Variants in DNAH1 observed in about 807,000 individuals in gnomAD.
The protein encoded by DNAH1 is axonemal beta dynein heavy chain 1.
A neutral mutation model predicts 484.3 loss-of-function variants in DNAH1; 327 were observed. The observed-to-expected ratio is 0.68, with a 90% confidence interval of 0.62 to 0.74. The LOEUF is 0.74. DNAH1 is among the 30% of genes least tolerant of loss of function. The probability of loss-of-function intolerance (pLI) is 0.00; values close to 1 mark genes in which losing one functional copy is unlikely to be tolerated. For missense variants in DNAH1, 5,052 were observed against 5,546.8 expected, an observed-to-expected ratio of 0.91 and a Z score of 2.83; for synonymous variants, 2,192 against 2,191.9, an observed-to-expected ratio of 1.00 and a Z score of 0.00.
At position 52,375,380 on chromosome 3, in the gene DNAH1, C is replaced by T. The variant is rs767363776; in HGVS notation, c.7126C>T (p.Arg2376Cys). The T allele has an allele frequency of 1.5e-4, 248 of 1,613,450 alleles. No individual in the cohort carries two copies. Among genetic ancestry groups the T allele is most frequent in the Admixed American group, 2.3e-4 (14 of 59,948 alleles). Reference sequence around the variant, plus strand: ...TGAGATGGACGAGGTCAGCAAGAAACGCATCTTCTCCACCATCCTGGGCAA... The same window carrying T: ...TGAGATGGACGAGGTCAGCAAGAAATGCATCTTCTCCACCATCCTGGGCAA... ...FAEMDEVSKK[R>C]IFSTILGNWL... The change falls in exon 45 of 78, where the codon CGC (arginine) becomes TGC (cysteine). Residue 2376 changes from arginine (R) to cysteine (C), a missense_variant. This residue lies in a region of DNAH1 where 2,929 missense variants were observed against 3,409.4 expected (regional missense o/e 0.86). Transcript: ENST00000420323.
intron 41 of DNAH1, among the ~76,000 whole-genome samples, chr3:52,371,225 C>G (rs1052097652): frequency 6.6e-6 from 1 of 152,234 alleles, no homozygotes; most frequent in Admixed American, 6.5e-5. Context: ...GTGTCCTCAT[C>G]GCTACTATCA....
Position 52,373,849 on chromosome 3 carries a change from A to G in DNAH1, c.6985+796A>G, listed in dbSNP as rs1703465258. On this transcript the variant is annotated intron_variant, in intron 44 of 77. Coordinates refer to ENST00000420323, the MANE Select transcript of DNAH1 (RefSeq NM_015512.5). ...GAGCCTGTTTACCCAGAAGTAGTCC[A>G]TATGTTTGCAGTTAACATGTTTCGA... The G allele has an allele frequency of 1.3e-5, 19 of 1,411,828 alleles. 1 individual carries two copies. In the South Asian group the frequency reaches 2.2e-4, roughly 16 times the overall value. The allele number at this position is 1,411,828 out of a possible 1,614,324, so 87.5% of individuals were successfully genotyped here. A position where few individuals can be genotyped will look rare whatever the true frequency, so the allele number is the denominator to read the frequency against.
At chr3:52,376,226 A>G (rs1703595716) in intron 46 of DNAH1, among the ~76,000 whole-genome samples, 1 of 152,194 alleles carries the variant, frequency 6.6e-6, no homozygotes, top group African/African-American at 2.4e-5. Flanking sequence ...CCAGCTGATG[A>G]TAGATGCAAA....
intron 44 of DNAH1, 43 bp from the exon 45 acceptor site, chr3:52,375,197 A>G (rs1449982967): frequency 6.4e-7 from 1 of 1,555,616 alleles, no homozygotes; most frequent in South Asian, 1.2e-5. Flanking sequence ...GTCATAATGC[A>G]GCCCTGGCCA....
intron 32 of DNAH1, 43 bp downstream of exon 32, chr3:52,363,187 T>C (rs1702935985): frequency 6.2e-7 from 1 of 1,603,826 alleles, no homozygotes; most frequent in Non-Finnish European, 8.5e-7. Flanking sequence ...TGAAAACTTC[T>C]GCCTGCTCCC....
chr3:52,375,808 G>A (rs936757152), intron 45 of DNAH1, 147 bp from the exon 46 acceptor site: 18 of 920,164 alleles, frequency 2.0e-5, no homozygotes, highest in Middle Eastern at 2.2e-4. Context: ...CCACAAGATA[G>A]GATGGACGGA....
In DNAH1 at chr3:52,372,997, T is replaced by G; in HGVS notation, c.6929T>G (p.Ile2310Ser). 1.2e-6 allele frequency: 2 copies of G among 1,613,638 alleles called. No homozygotes were observed. The highest frequency in any genetic ancestry group is 4.5e-5 in the East Asian group (2 of 44,872). The change falls in exon 44 of 78, where the codon ATC becomes AGC. Residue 2310 changes from isoleucine (I) to serine (S), a missense_variant. Ile to Ser is a moderately radical substitution (Grantham distance 142, BLOSUM62 -2). Coordinates refer to ENST00000420323, the MANE Select transcript of DNAH1 (RefSeq NM_015512.5). ...GAGACCTACGGTGCACAGCCACCCATCGAGCTGTTGCGCCAGTGGATGGAC... is the reference window on the plus strand; with the variant it reads ...GAGACCTACGGTGCACAGCCACCCAGCGAGCTGTTGCGCCAGTGGATGGAC... ...ALETYGAQPPIELLRQWMDHG... is the reference protein window; with the variant it reads ...ALETYGAQPPSELLRQWMDHG...
rs756649876 is a variant in DNAH1, at chr3:52,348,955, T to C, written c.2174T>C (p.Leu725Pro). ...LLESVGLHEP[L>P]VEELRATIAS... ...GAGTCCGTGGGCCTTCATGAGCCAC[T>C]GGTGGAAGAGCTACGGGCCACCATT... Residue 725 changes from leucine to proline, a missense_variant, in exon 13 of 78, where the codon CTG (leucine) becomes CCG (proline). Physicochemically the swap from Leu to Pro is moderately conservative, Grantham distance 98. Around this residue, in one of 4 missense-constraint regions of DNAH1, gnomAD observed 1,263 missense variants for 1,218.8 expected, o/e 1.04. Transcript: ENST00000420323. 22 of 1,613,386 alleles carry C rather than the reference T, an allele frequency of 1.4e-5. No homozygotes were observed. The East Asian group carries it at 4.0e-4, about 29-fold the overall frequency.
chr3:52,314,324 AG>A (rs945270635), upstream of DNAH1, among the ~76,000 whole-genome samples: 55 of 152,302 alleles, frequency 3.6e-4, 2 homozygotes, highest in African/African-American at 1.3e-3. Flanking sequence ...TGGCCCAGGA[AG>A]GTGGGGACCA....
Position 52,326,871 on chromosome 3 carries a change from C to A in DNAH1, c.718C>A (p.Pro240Thr), listed in dbSNP as rs746313246. 6.2e-7 allele frequency: 1 copy of A among 1,612,892 alleles called. No individual in the cohort carries two copies. The highest frequency in any genetic ancestry group is 8.5e-7 in the Non-Finnish European group (1 of 1,179,396). The change falls in exon 5 of 78, where the codon CCC becomes ACC. Residue 240 changes from proline to threonine, a missense_variant. By Grantham distance (38) the Pro-to-Thr change is conservative. Coordinates refer to ENST00000420323, the MANE Select transcript of DNAH1 (RefSeq NM_015512.5). ...CGAACAGGGCCATGACCCAATCTTC[C>A]CCATCTACCTCCCACTGAAGGTGAG... Reference protein sequence around the residue: ...TIEQGHDPIFPIYLPLKVFDN... With the variant: ...TIEQGHDPIFTIYLPLKVFDN...
chr3:52,374,552 G>A, intron 44 of DNAH1: 2 of 1,499,784 alleles, frequency 1.3e-6, no homozygotes, highest in South Asian at 1.1e-5. Context: ...TCCGGCAGTT[G>A]GCCAAATGTG....
In DNAH1 at chr3:52,356,610, C is replaced by G. The variant is rs550254957; in HGVS notation, c.3694-4C>G. The G allele has an allele frequency of 8.1e-4, 1,311 of 1,613,050 alleles. 11 individuals are homozygous for G. In the South Asian group the frequency reaches 0.014, roughly 17 times the overall value. ...ACACCCCTCCCTGCCCCTCCCCTCC[C>G]CAGGAGGTTCTGGAGGAGTGGCTGA... On this transcript the variant is annotated splice_region_variant and splice_polypyrimidine_tract_variant and intron_variant, in intron 21 of 77. Transcript: ENST00000420323.
Position 52,378,748 on chromosome 3 carries a change from G to A in DNAH1, c.7345G>A (p.Gly2449Ser). Residue 2449 changes from glycine (G) to serine (S), a missense_variant, in exon 47 of 78, where the codon GGC becomes AGC. By Grantham distance (56) the Gly-to-Ser change is moderately conservative. Coordinates refer to ENST00000420323, the MANE Select transcript of DNAH1 (RefSeq NM_015512.5). ...NLRDLSKVFQ[G>S]MLMADPAKVE... ...GAGGGACCTCTCCAAGGTCTTCCAAGGCATGCTCATGGCTGACCCGGCCAA... is the reference window on the plus strand; with the variant it reads ...GAGGGACCTCTCCAAGGTCTTCCAAAGCATGCTCATGGCTGACCCGGCCAA... 1 of 1,613,770 alleles carries A rather than the reference G, an allele frequency of 6.2e-7. No individual in the cohort carries two copies. Among genetic ancestry groups the A allele is most frequent in the Non-Finnish European group, 8.5e-7 (1 of 1,179,880 alleles).
rs778908941 is a variant in DNAH1, at chr3:52,399,136, G to A, written c.12376G>A (p.Gly4126Ser). Residue 4126 changes from glycine to serine, a missense_variant, in exon 76 of 78, where the codon GGC becomes AGC. Around this residue, in one of 4 missense-constraint regions of DNAH1, gnomAD observed 853 missense variants for 899.0 expected, o/e 0.95. Coordinates refer to ENST00000420323, the MANE Select transcript of DNAH1 (RefSeq NM_015512.5). ...CTTCTTCCCCCAGGCTTTCTTAACA[G>A]GCACTCTGCAGAATTTTGCCCGCAA... is the stretch of plus-strand genomic sequence containing the variant. ...GFFFPQAFLT[G>S]TLQNFARKFV... The A allele has an allele frequency of 6.2e-7, 1 of 1,613,992 alleles. No individual in the cohort carries two copies. Among genetic ancestry groups the A allele is most frequent in the South Asian group, 1.1e-5 (1 of 91,080 alleles).
At chr3:52,366,426 TGACCC>T in intron 34 of DNAH1, 26 bp from the exon 35 acceptor site, 1 of 1,553,856 alleles carries the variant, frequency 6.4e-7, no homozygotes, top group Non-Finnish European at 8.7e-7. Context: ...GCCCATGCTC[TGACCC>T]TTGGGCCCCA....
chr3:52,392,799 T>TGGGGGGGGGGGGGGGGGGGGGGGGG, intron 64 of DNAH1, 31 bp from the exon 65 acceptor site: 2 of 1,274,358 alleles, frequency 1.6e-6, no homozygotes, highest in Non-Finnish European at 2.2e-6. Flanking sequence ...TTCTGCTCTT[T>TGGGGGGGGGGGGGGGGGGGGGGGGG]GACCCCTCCC....
At position 52,361,072 on chromosome 3, in the gene DNAH1, G is replaced by T; in HGVS notation, c.4686-92G>T. The T allele has an allele frequency of 7.9e-7, 1 of 1,265,066 alleles. No individual in the cohort carries two copies. The highest frequency in any genetic ancestry group is 1.5e-5 in the African/African-American group (1 of 64,756). The allele number at this position is 1,265,066 out of a possible 1,614,324, so 78.4% of individuals were successfully genotyped here. ...CACCCCAGCCCACCAAAAGGGGACGGGGCGAGAGGCCCCAGTCCACAGGAA... is the reference window on the plus strand; with the variant it reads ...CACCCCAGCCCACCAAAAGGGGACGTGGCGAGAGGCCCCAGTCCACAGGAA... On this transcript the variant is annotated intron_variant, in intron 28 of 77. Coordinates refer to ENST00000420323, the MANE Select transcript of DNAH1 (RefSeq NM_015512.5). This position sits in a 1 kb window ranked among gnomAD's most constrained non-coding sequence, Gnocchi z 5.6.
chr3:52,392,189 G>C (rs1649319771), intron 63 of DNAH1, among the ~76,000 whole-genome samples: 1 of 152,214 alleles, frequency 6.6e-6, no homozygotes, highest in South Asian at 2.1e-4. Flanking sequence ...AGGAGGTATT[G>C]TCCAGAGACC....
At chr3:52,356,367 T>G (rs1368881348) in intron 21 of DNAH1, among the ~76,000 whole-genome samples, 1 of 152,170 alleles carries the variant, frequency 6.6e-6, no homozygotes, top group African/African-American at 2.4e-5. Context: ...CCCGGCTCCT[T>G]TGGAGGCTTG....
Sources: allele counts gnomAD v4.1 joint callset (sites outside exome capture counted in the v4.1 genomes callset), GRCh38; gene constraint gnomAD v4.1.1; regional missense constraint gnomAD v4.1.1; non-coding constraint Gnocchi (gnomAD v3.1); transcripts MANE v1.5; gene names NCBI Gene and HGNC (gene_info 2026-07-23, HGNC 2026-07-21).